Variants in SMG6 observed in about 807,000 individuals in gnomAD.
SMG6 encodes SMG6 nonsense mediated mRNA decay factor.
In SMG6, 66 loss-of-function variants were observed where a neutral mutation model predicts 142.2. The ratio of observed to expected loss-of-function variants is 0.46; its 90% CI spans 0.38 to 0.57. The LOEUF is 0.57. Ranked by LOEUF, SMG6 falls within the 20% of genes least tolerant of loss-of-function variation. The pLI, the probability that SMG6 is intolerant of heterozygous loss-of-function variation, is 0.00. For synonymous variants in SMG6, 779 were observed against 702.4 expected, an observed-to-expected ratio of 1.11 and a Z score of -1.72; for missense variants, 1,793 against 1,832.0, an observed-to-expected ratio of 0.98 and a Z score of 0.39.
At chr17:2,105,164 C>A (rs2069121666) in intron 13 of SMG6, among the ~76,000 whole-genome samples, 1 of 142,974 alleles carries the variant, frequency 7.0e-6, no homozygotes, top group Non-Finnish European at 1.5e-5. Flanking sequence ...TGGACTCAAG[C>A]AATCCTCCCG....
In SMG6 at chr17:2,068,270, G is replaced by A. The variant is rs1473021989; in HGVS notation, c.3835+508C>T. ...CAGGCATGAGCCAAGGGCTTGCTCT[G>A]GAGGGTTCCTGCTGGCCTAGCCTTA... On this transcript the variant is annotated intron_variant, in intron 16 of 18. Coordinates refer to ENST00000263073, the MANE Select transcript of SMG6 (RefSeq NM_017575.5). This position sits in a 1 kb window ranked among gnomAD's most constrained non-coding sequence, Gnocchi z 6.7. Among the ~76,000 whole-genome samples, 1 of 152,192 alleles carries A rather than the reference G, an allele frequency of 6.6e-6. No individual in the cohort carries two copies. The highest frequency in any genetic ancestry group is 2.4e-5 in the African/African-American group (1 of 41,444).
At chr17:2,226,999 G>A (rs2073339076) in intron 10 of SMG6, among the ~76,000 whole-genome samples, 1 of 152,154 alleles carries the variant, frequency 6.6e-6, no homozygotes, top group Non-Finnish European at 1.5e-5. Flanking sequence ...CTCATCCTTA[G>A]TTATTAGAGA....
chr17:2,277,112 T>A (rs896475007), intron 8 of SMG6, among the ~76,000 whole-genome samples: 2 of 151,638 alleles, frequency 1.3e-5, no homozygotes, highest in African/African-American at 4.8e-5. Flanking sequence ...TAAAGTGCTA[T>A]GTTTAATGTA....
chr17:2,228,177 C>G (rs2073370719), intron 10 of SMG6, among the ~76,000 whole-genome samples: 1 of 152,104 alleles, frequency 6.6e-6, no homozygotes. Context: ...AATTCTTGTG[C>G]CTCAGCCTCT....
intron 13 of SMG6, among the ~76,000 whole-genome samples, chr17:2,105,274 G>A (rs1385752998): frequency 6.6e-6 from 1 of 151,826 alleles, no homozygotes; most frequent in African/African-American, 2.4e-5. Flanking sequence ...AGCCGGGCGT[G>A]GTGGCTCACA....
chr17:2,065,628 G>T lies in SMG6; in HGVS notation c.3887C>A (p.Ala1296Asp), dbSNP rs774700302. Reference sequence around the variant, plus strand: ...TTGTACCACACGGGCGTAGCCCCCAGCCCGGTGGTCTGTCTCCTGCCCCTT... The same window carrying T: ...TTGTACCACACGGGCGTAGCCCCCATCCCGGTGGTCTGTCTCCTGCCCCTT... Reference protein sequence around the residue: ...LAKGQETDHRAGGYARVVQEK... With the variant: ...LAKGQETDHRDGGYARVVQEK... The change falls in exon 17 of 19, where the codon GCT becomes GAT. Residue 1296 changes from alanine to aspartate, a missense_variant. Physicochemically the swap from Ala to Asp is moderately radical, Grantham distance 126. Transcript: ENST00000263073. 2.5e-6 allele frequency: 4 copies of T among 1,613,892 alleles called. No homozygotes were observed. In the South Asian group the frequency reaches 4.4e-5, roughly 18 times the overall value.
chr17:2,168,459 A>G (rs918820726), intron 13 of SMG6, among the ~76,000 whole-genome samples: 1 of 152,198 alleles, frequency 6.6e-6, no homozygotes, highest in Non-Finnish European at 1.5e-5. Flanking sequence ...TTGGGATTAC[A>G]GGCGTGAGCC....
chr17:2,195,579 C>G (rs2072299285), intron 10 of SMG6, among the ~76,000 whole-genome samples: 1 of 152,218 alleles, frequency 6.6e-6, no homozygotes, highest in African/African-American at 2.4e-5. Context: ...ATTTGCTGCT[C>G]ATAATAGTAG....
chr17:2,271,253 G>C (rs2074537444), intron 8 of SMG6, among the ~76,000 whole-genome samples: 1 of 151,564 alleles, frequency 6.6e-6, no homozygotes. Flanking sequence ...ACTATGCCCG[G>C]CTAATTTTTG....
chr17:2,076,594 A>C lies in SMG6; in HGVS notation c.3681+5216T>G, dbSNP rs139403931. Reference sequence around the variant, plus strand: ...CCCTGTTTTACAGCCACCTCGGCACAGACTCCAGGGTTCACGCATATGGCC... The same window carrying C: ...CCCTGTTTTACAGCCACCTCGGCACCGACTCCAGGGTTCACGCATATGGCC... On this transcript the variant is annotated intron_variant, in intron 15 of 18. Coordinates refer to ENST00000263073, the MANE Select transcript of SMG6 (RefSeq NM_017575.5). Among the ~76,000 whole-genome samples, 223 of 152,336 alleles carry C rather than the reference A, an allele frequency of 1.5e-3. No individual in the cohort carries two copies. The Middle Eastern group carries it at 0.017, about 12-fold the overall frequency.
rs1169520179 is a variant in SMG6 at position 2,249,093 on chromosome 17, C to T, written c.2662-4374G>A. On this transcript the variant is annotated intron_variant, in intron 8 of 18. Coordinates refer to ENST00000263073, the MANE Select transcript of SMG6 (RefSeq NM_017575.5). ...TATTTTCAGTAGAGATGGGGTTTCA[C>T]CGTGTTAGCCAGGATGGTCTCAATC... Among the ~76,000 whole-genome samples the T allele has an allele frequency of 3.3e-5, 5 of 151,748 alleles. No individual in the cohort carries two copies. In the South Asian group the frequency reaches 6.2e-4, roughly 19 times the overall value.
intron 13 of SMG6, among the ~76,000 whole-genome samples, chr17:2,143,557 G>C (rs1288647391): frequency 6.6e-6 from 1 of 152,176 alleles, no homozygotes; most frequent in African/African-American, 2.4e-5. Context: ...GTAAACTAGT[G>C]GTTGACAGGG....
intron 10 of SMG6, among the ~76,000 whole-genome samples, chr17:2,192,526 T>A (rs1001422012): frequency 1.3e-5 from 2 of 152,172 alleles, no homozygotes; most frequent in African/African-American, 4.8e-5. Context: ...CACTAAGAGC[T>A]GGAGAAAAAC....
chr17:2,284,591 T>G (rs1315059769), intron 6 of SMG6, among the ~76,000 whole-genome samples: 1 of 152,178 alleles, frequency 6.6e-6, no homozygotes, highest in Non-Finnish European at 1.5e-5. Flanking sequence ...TGTTTCAAAA[T>G]ACATTTAAAA....
intron 13 of SMG6, among the ~76,000 whole-genome samples, chr17:2,093,953 C>T (rs1057162396): frequency 6.6e-6 from 1 of 152,082 alleles, no homozygotes; most frequent in Admixed American, 6.6e-5. Context: ...TAGATCCAGG[C>T]TACTGGGCTG....
intron 8 of SMG6, among the ~76,000 whole-genome samples, chr17:2,272,703 C>T (rs2074565047): frequency 6.6e-6 from 1 of 152,096 alleles, no homozygotes; most frequent in Admixed American, 6.6e-5. Context: ...CTTTGGGAGG[C>T]CGAGGCAGGC....
rs895139705 is a variant in SMG6 at position 2,212,894 on chromosome 17, C to T, written c.2869+23598G>A. Among the ~76,000 whole-genome samples the T allele has an allele frequency of 5.9e-5, 9 of 152,228 alleles. No individual in the cohort carries two copies. The South Asian group carries it at 1.0e-3, about 17-fold the overall frequency. ...GCATGACTCCAGTGGAATCTGCATG[C>T]AATGCTCAGGGCAGGGTTTGGCGCT... On this transcript the variant is annotated intron_variant, in intron 10 of 18. Transcript: ENST00000263073.
intron 13 of SMG6, among the ~76,000 whole-genome samples, chr17:2,144,137 C>T (rs1265565446): frequency 7.3e-6 from 1 of 136,888 alleles, no homozygotes; most frequent in Non-Finnish European, 1.5e-5. Context: ...CGGCTCACTG[C>T]AATGTCCGCC....
chr17:2,171,451 G>A (rs953589509), intron 13 of SMG6, among the ~76,000 whole-genome samples: 1 of 151,554 alleles, frequency 6.6e-6, no homozygotes, highest in African/African-American at 2.4e-5. Flanking sequence ...GTAGAAAGAA[G>A]GATTACGGAT....
Sources: gnomAD v4.1 joint callset for allele counts (sites outside exome capture counted in the v4.1 genomes callset) on GRCh38, gnomAD v4.1.1 for gene constraint, Gnocchi (gnomAD v3.1) non-coding constraint, MANE v1.5 for transcripts, NCBI Gene and HGNC (gene_info 2026-07-23, HGNC 2026-07-21) for gene names.